TMEM178B: variants seen among roughly 807,000 people sequenced by gnomAD.
TMEM178B encodes the protein transmembrane protein 178B.
A neutral mutation model predicts 31.0 loss-of-function variants in TMEM178B; 5 were observed. The ratio of observed to expected loss-of-function variants is 0.16; its 90% CI spans 0.08 to 0.34. The LOEUF is 0.34. Among genes scored for constraint, TMEM178B ranks in the 10% least tolerant of loss-of-function variants. The pLI, the probability that TMEM178B is intolerant of heterozygous loss-of-function variation, is 1.00. For synonymous variants in TMEM178B, 164 were observed against 164.0 expected, an observed-to-expected ratio of 1.00 and a Z score of 0.00; for missense variants, 275 against 400.3, an observed-to-expected ratio of 0.69 and a Z score of 2.67.
At chr7:141,257,280 T>C (rs181031522) in intron 2 of TMEM178B, among the ~76,000 whole-genome samples, 1 of 152,338 alleles carries the variant, frequency 6.6e-6, no homozygotes, top group East Asian at 1.9e-4. Context: ...GGTGATCCTC[T>C]AATAATGGAA....
At chr7:141,086,076 G>T (rs370357916) in intron 1 of TMEM178B, among the ~76,000 whole-genome samples, 1 of 151,886 alleles carries the variant, frequency 6.6e-6, no homozygotes, top group Non-Finnish European at 1.5e-5. Context: ...TTACTCTGTC[G>T]CTCAGGCTGG....
In TMEM178B at chr7:141,477,237, T is replaced by C. The variant is rs1375780611; in HGVS notation, c.*6451T>C. On this transcript the variant is annotated 3_prime_UTR_variant, in exon 4 of 4. Coordinates refer to ENST00000565468, the MANE Select transcript of TMEM178B (RefSeq NM_001195278.2). ...CCATTTCCACCCATGGTGTGACTGT[T>C]TTGCTATTCAAGACTATCTGTAAAA... The C allele has an allele frequency of 6.5e-6, 1 of 154,830 alleles. No individual in the cohort carries two copies. Among genetic ancestry groups the C allele is most frequent in the Non-Finnish European group, 1.5e-5 (1 of 68,226 alleles). 9.6% of individuals were successfully genotyped at this position (154,830 alleles called of 1,614,324 possible).
chr7:141,131,254 T>A (rs1056798448), intron 1 of TMEM178B, among the ~76,000 whole-genome samples: 11 of 152,232 alleles, frequency 7.2e-5, no homozygotes, highest in African/African-American at 2.7e-4. Flanking sequence ...AGAGCAGATC[T>A]CTCAACTCAG....
rs922827992 is a variant in TMEM178B at position 141,174,914 on chromosome 7, C to T, written c.383-37677C>T. 7.9e-5 allele frequency among the ~76,000 whole-genome samples: 12 copies of T among 152,186 alleles called. 1 individual carries two copies. Among genetic ancestry groups the T allele is most frequent in the African/African-American group, 2.9e-4 (12 of 41,450 alleles). On this transcript the variant is annotated intron_variant, in intron 1 of 3. Transcript: ENST00000565468. Reference sequence around the variant, plus strand: ...AATTTTCTCCCATTCTGTAGGTCACCTGTTCACTCTGATGATAGTTTCTTT... The same window carrying T: ...AATTTTCTCCCATTCTGTAGGTCACTTGTTCACTCTGATGATAGTTTCTTT...
chr7:141,094,304 C>G (rs761841843), intron 1 of TMEM178B, among the ~76,000 whole-genome samples: 3 of 152,140 alleles, frequency 2.0e-5, no homozygotes, highest in Non-Finnish European at 4.4e-5. Context: ...ACATTACAAC[C>G]TAATGGGAAA....
At chr7:141,209,270 C>T (rs1797013819) in intron 1 of TMEM178B, among the ~76,000 whole-genome samples, 1 of 152,220 alleles carries the variant, frequency 6.6e-6, no homozygotes, top group Non-Finnish European at 1.5e-5. Context: ...TTACCAAGTA[C>T]ATTGAGACAC....
rs1799582970 is a variant in TMEM178B at position 141,344,605 on chromosome 7, TTC to T, written c.497-93002_497-93001del. On this transcript the variant is annotated intron_variant, in intron 2 of 3. Transcript: ENST00000565468. The surrounding 1 kb of genome is among the most constrained non-coding windows in gnomAD (Gnocchi z 4.1). ...CTTCCTTCCTTCCTTCCTTCCTTCC[TTC>T]CTTCCTTCCTTCCTTCCTTCCTCCC... Among the ~76,000 whole-genome samples the T allele has an allele frequency of 6.7e-6, 1 of 149,364 alleles. No individual in the cohort carries two copies. Among genetic ancestry groups the T allele is most frequent in the Non-Finnish European group, 1.5e-5 (1 of 67,392 alleles).
At chr7:141,320,119 GCT>G (rs932262712) in intron 2 of TMEM178B, among the ~76,000 whole-genome samples, 1 of 151,902 alleles carries the variant, frequency 6.6e-6, no homozygotes, top group African/African-American at 2.4e-5. Flanking sequence ...TCCCCTACAT[GCT>G]CTCTCTCTCC....
chr7:141,428,860 C>A (rs1488282299), intron 2 of TMEM178B, among the ~76,000 whole-genome samples: 1 of 152,198 alleles, frequency 6.6e-6, no homozygotes. Context: ...TGGTCTCTTC[C>A]TCAGCCTTAA....
At chr7:141,081,636 CAAAAAAAAGAAA>C (rs886847367) in intron 1 of TMEM178B, among the ~76,000 whole-genome samples, 6 of 125,124 alleles carry the variant, frequency 4.8e-5, no homozygotes, top group Non-Finnish European at 8.4e-5. Flanking sequence ...AACTCCATCT[CAAAAAAAAGAAA>C]AAAAAAAAGA....
chr7:141,485,333 G>A (rs1802538485), downstream of TMEM178B, among the ~76,000 whole-genome samples: 1 of 152,202 alleles, frequency 6.6e-6, no homozygotes, highest in African/African-American at 2.4e-5. Flanking sequence ...GGACTCTGGA[G>A]TCAGACCACT....
intron 2 of TMEM178B, among the ~76,000 whole-genome samples, chr7:141,272,187 A>G (rs1798195901): frequency 6.6e-6 from 1 of 152,166 alleles, no homozygotes; most frequent in South Asian, 2.1e-4. Context: ...TCTGAGGGCA[A>G]TTCCTAATGC....
chr7:141,436,515 C>T (rs1281337187), intron 2 of TMEM178B, among the ~76,000 whole-genome samples: 1 of 152,064 alleles, frequency 6.6e-6, no homozygotes, highest in Non-Finnish European at 1.5e-5. Context: ...GGAGAGAGGG[C>T]CCAGGGAGCT....
intron 2 of TMEM178B, among the ~76,000 whole-genome samples, chr7:141,397,082 G>A (rs1434496559): frequency 6.6e-6 from 1 of 152,158 alleles, no homozygotes; most frequent in Non-Finnish European, 1.5e-5. Flanking sequence ...AGAACACCAT[G>A]GGGTCAGCTC....
intron 1 of TMEM178B, among the ~76,000 whole-genome samples, chr7:141,127,483 G>C (rs1424136201): frequency 6.6e-6 from 1 of 152,198 alleles, no homozygotes; most frequent in Non-Finnish European, 1.5e-5. Context: ...GGCCACAGAA[G>C]TACAGAGACA....
chr7:141,451,685 G>A (rs1349641819), intron 3 of TMEM178B, among the ~76,000 whole-genome samples: 2 of 152,146 alleles, frequency 1.3e-5, no homozygotes, highest in Non-Finnish European at 2.9e-5. Context: ...AGCTGGTTCT[G>A]TTCATAAAAT....
chr7:141,230,359 C>T (rs1280916348), intron 2 of TMEM178B, among the ~76,000 whole-genome samples: 1 of 152,132 alleles, frequency 6.6e-6, no homozygotes, highest in Non-Finnish European at 1.5e-5. Context: ...ATCCTTTTCC[C>T]CTTAAGATAT....
intron 2 of TMEM178B, among the ~76,000 whole-genome samples, chr7:141,428,616 C>G (rs1281997074): frequency 6.6e-6 from 1 of 152,098 alleles, no homozygotes; most frequent in Non-Finnish European, 1.5e-5. Flanking sequence ...CAGCCCCTCC[C>G]AAGTCCTGGC....
chr7:141,085,499 C>T (rs748205230), intron 1 of TMEM178B, among the ~76,000 whole-genome samples: 2 of 150,840 alleles, frequency 1.3e-5, no homozygotes, highest in Admixed American at 6.7e-5. Context: ...AAGTATTTTG[C>T]CAAGAAAAGG....
Sources: gnomAD v4.1 joint callset for allele counts (sites outside exome capture counted in the v4.1 genomes callset) on GRCh38, gnomAD v4.1.1 for gene constraint, Gnocchi (gnomAD v3.1) non-coding constraint, MANE v1.5 for transcripts, NCBI Gene and HGNC (gene_info 2026-07-23, HGNC 2026-07-21) for gene names.